Variants in CDH12 observed in about 807,000 individuals in gnomAD.
The protein encoded by CDH12 is cadherin-12.
CDH12 carries 41 observed loss-of-function variants against 74.1 expected under a neutral mutation model. The observed-to-expected ratio is 0.55, with a 90% CI of 0.43 to 0.72. The LOEUF (loss-of-function observed/expected upper bound fraction) is 0.72. CDH12 is among the 30% of genes least tolerant of loss of function. The probability of loss-of-function intolerance (pLI) is 0.00; values close to 1 mark genes in which losing one functional copy is unlikely to be tolerated. For missense variants in CDH12, 945 were observed against 977.2 expected, an observed-to-expected ratio of 0.97 and a Z score of 0.44; for synonymous variants, 399 against 355.0, an observed-to-expected ratio of 1.12 and a Z score of -1.39.
chr5:22,411,612 G>A (rs1743173747), intron 2 of CDH12, among the ~76,000 whole-genome samples: 1 of 151,960 alleles, frequency 6.6e-6, no homozygotes, highest in African/African-American at 2.4e-5. Flanking sequence ...AAATACATAA[G>A]CTGTAGTAAT....
chr5:22,252,554 A>G (rs955427598), intron 3 of CDH12, among the ~76,000 whole-genome samples: 1 of 152,078 alleles, frequency 6.6e-6, no homozygotes, highest in African/African-American at 2.4e-5. Flanking sequence ...TTTATACTTT[A>G]TATTACTTTA....
chr5:21,814,555 A>T (rs1747938197), intron 9 of CDH12, among the ~76,000 whole-genome samples: 1 of 151,540 alleles, frequency 6.6e-6, no homozygotes, highest in African/African-American at 2.4e-5. Context: ...GACATTGATT[A>T]CTTATTGGTA....
intron 2 of CDH12, among the ~76,000 whole-genome samples, chr5:22,407,369 C>T (rs1007799141): frequency 1.3e-5 from 2 of 152,048 alleles, no homozygotes; most frequent in African/African-American, 2.4e-5. Context: ...TACCAAATCC[C>T]ATCTTCAATG....
chr5:22,172,312 T>C (rs977955179), intron 4 of CDH12: 1 of 151,874 alleles, frequency 6.6e-6, no homozygotes, highest in Non-Finnish European at 1.5e-5. Context: ...TTTTTCCCTC[T>C]TTATTCACTA....
intron 2 of CDH12, among the ~76,000 whole-genome samples, chr5:22,413,372 G>T (rs1353105894): frequency 6.6e-6 from 1 of 151,884 alleles, no homozygotes; most frequent in African/African-American, 2.4e-5. Flanking sequence ...CTAGGACAGA[G>T]TGCTAAGGAG....
At chr5:22,026,874 A>G (rs748790356) in intron 5 of CDH12, among the ~76,000 whole-genome samples, 5 of 152,168 alleles carry the variant, frequency 3.3e-5, no homozygotes, top group Admixed American at 6.6e-5. Flanking sequence ...GCCTACCAGC[A>G]GAGCATCACT....
At chr5:21,771,451 CATAAAG>C (rs1026678640) in intron 11 of CDH12, among the ~76,000 whole-genome samples, 3 of 152,148 alleles carry the variant, frequency 2.0e-5, no homozygotes, top group East Asian at 3.9e-4. Context: ...CTGGGGAATC[CATAAAG>C]ATAATTTCTT....
chr5:22,648,460 A>G (rs1214886106), intron 1 of CDH12, among the ~76,000 whole-genome samples: 1 of 151,754 alleles, frequency 6.6e-6, no homozygotes, highest in African/African-American at 2.4e-5. Context: ...CTCAACCCCA[A>G]TGTCTGTTTT....
At chr5:22,745,256 CAAAT>C (rs990804529) in intron 1 of CDH12, among the ~76,000 whole-genome samples, 5 of 151,372 alleles carry the variant, frequency 3.3e-5, no homozygotes, top group African/African-American at 1.2e-4. Context: ...AATAAACTAA[CAAAT>C]AAGCATTCCA....
At chr5:22,295,786 T>C (rs1737598203) in intron 3 of CDH12, among the ~76,000 whole-genome samples, 1 of 152,142 alleles carries the variant, frequency 6.6e-6, no homozygotes, top group Non-Finnish European at 1.5e-5. Context: ...ATATGAAATT[T>C]ACTAAAGTTA....
At chr5:22,635,527 C>T (rs1265606281) in intron 1 of CDH12, among the ~76,000 whole-genome samples, 3 of 152,084 alleles carry the variant, frequency 2.0e-5, no homozygotes, top group Non-Finnish European at 4.4e-5. Flanking sequence ...TTTCAAAGGA[C>T]ATCATGAAGT....
At chr5:22,790,200 G>A (rs1747836826) in intron 1 of CDH12, among the ~76,000 whole-genome samples, 1 of 152,162 alleles carries the variant, frequency 6.6e-6, no homozygotes, top group Non-Finnish European at 1.5e-5. Flanking sequence ...TTGTTGGACA[G>A]GTGGCATCTA....
intron 1 of CDH12, among the ~76,000 whole-genome samples, chr5:22,648,674 T>C (rs1202218493): frequency 6.6e-6 from 1 of 151,912 alleles, no homozygotes; most frequent in South Asian, 2.1e-4. Context: ...CAAACATATG[T>C]TCATTATATT....
intron 4 of CDH12, among the ~76,000 whole-genome samples, chr5:22,160,954 C>T (rs1199121033): frequency 6.6e-6 from 1 of 152,228 alleles, no homozygotes; most frequent in Non-Finnish European, 1.5e-5. Context: ...AGAGGGTCCT[C>T]GACAACTGTG....
intron 1 of CDH12, among the ~76,000 whole-genome samples, chr5:22,787,504 A>G (rs1747696980): frequency 6.6e-6 from 1 of 152,202 alleles, no homozygotes; most frequent in South Asian, 2.1e-4. Flanking sequence ...GTGTTAATGT[A>G]TTAGTGATTC....
chr5:22,735,715 G>A (rs981966256), intron 1 of CDH12, among the ~76,000 whole-genome samples: 2 of 151,776 alleles, frequency 1.3e-5, no homozygotes, highest in African/African-American at 4.8e-5. Context: ...AAAAAATAGG[G>A]TAAAGTTAAG....
At chr5:21,802,074 T>C in intron 10 of CDH12, 93 bp downstream of exon 10, 1 of 1,010,756 alleles carries the variant, frequency 9.9e-7, no homozygotes, top group South Asian at 1.6e-5. Context: ...TAAATCATCA[T>C]GCAGTTTTGG....
At chr5:22,355,041 C>T (rs1740503576) in intron 3 of CDH12, among the ~76,000 whole-genome samples, 1 of 152,100 alleles carries the variant, frequency 6.6e-6, no homozygotes, top group Non-Finnish European at 1.5e-5. Context: ...ATTAAACCCA[C>T]AAAGCATGCT....
chr5:21,810,251 T>TC (rs1490497034), intron 9 of CDH12, among the ~76,000 whole-genome samples: 1 of 152,014 alleles, frequency 6.6e-6, no homozygotes, highest in Non-Finnish European at 1.5e-5. Context: ...TTTCTTTCAT[T>TC]CCCCCATGAA....
Sources: gnomAD v4.1 joint callset for allele counts (sites outside exome capture counted in the v4.1 genomes callset) on GRCh38, gnomAD v4.1.1 for gene constraint, MANE v1.5 for transcripts, NCBI Gene and HGNC (gene_info 2026-07-23, HGNC 2026-07-21) for gene names.